The following AGAP1 variants were observed in gnomAD, a reference collection of about 807,000 sequenced individuals.
AGAP1 encodes arf-GAP with GTPase, ANK repeat and PH domain-containing protein 1.
AGAP1 carries 29 observed loss-of-function variants against 105.3 expected under a neutral mutation model. The observed-to-expected ratio is 0.28, with a 90% CI of 0.21 to 0.38. AGAP1 has a LOEUF of 0.38. AGAP1 is among the 10% of genes least tolerant of loss of function. The probability of loss-of-function intolerance (pLI) is 1.00; values close to 1 mark genes in which losing one functional copy is unlikely to be tolerated. For missense variants in AGAP1, 998 were observed against 1,165.1 expected (o/e 0.86, Z 2.09); for synonymous variants, 509 against 485.9 (o/e 1.05, Z -0.63).
At chr2:235,939,983 C>G (rs1485342297) in intron 12 of AGAP1, among the ~76,000 whole-genome samples, 1 of 152,090 alleles carries the variant, frequency 6.6e-6, no homozygotes, top group East Asian at 1.9e-4. Flanking sequence ...CGCAGGTAAG[C>G]AGCTACCTGC....
At chr2:235,909,242 C>T (rs935700710) in intron 11 of AGAP1, among the ~76,000 whole-genome samples, 5 of 152,186 alleles carry the variant, frequency 3.3e-5, no homozygotes, top group African/African-American at 7.2e-5. Flanking sequence ...CAAAGATTAA[C>T]TCATTTCTGA....
chr2:235,883,062 T>TC lies in AGAP1; in HGVS notation c.1051-281dup, dbSNP rs1265910849. Among the ~76,000 whole-genome samples, 4 of 151,702 alleles carry TC rather than the reference T, an allele frequency of 2.6e-5. No homozygotes were observed. Among genetic ancestry groups the TC allele is most frequent in the Non-Finnish European group, 4.4e-5 (3 of 67,932 alleles). Reference sequence around the variant, plus strand: ...GTCTCGAACTCTTGGGCTCAAACGATCCTTACACCGTGCCCAGCCTGGGGT... The same window carrying TC: ...GTCTCGAACTCTTGGGCTCAAACGATCCCTTACACCGTGCCCAGCCTGGGGT... On this transcript the variant is annotated intron_variant, in intron 9 of 17. Transcript: ENST00000304032. This position sits in a 1 kb window ranked among gnomAD's most constrained non-coding sequence, Gnocchi z 4.5.
At chr2:236,064,260 G>A (rs2058286067) in intron 16 of AGAP1, among the ~76,000 whole-genome samples, 1 of 152,152 alleles carries the variant, frequency 6.6e-6, no homozygotes, top group Non-Finnish European at 1.5e-5. Context: ...GCCTCTAGTA[G>A]CTTTCAGCCT....
intron 9 of AGAP1, among the ~76,000 whole-genome samples, chr2:235,863,966 G>T (rs55934557): frequency 2.1e-3 from 314 of 152,328 alleles, no homozygotes; most frequent in African/African-American, 7.3e-3. Context: ...GTGTGTGTTG[G>T]AGAGAAAGGA....
intron 16 of AGAP1, 174 bp downstream of exon 16, chr2:236,049,455 T>C: frequency 1.7e-6 from 1 of 582,190 alleles, no homozygotes; most frequent in Non-Finnish European, 3.0e-6. Flanking sequence ...TGAGCAGACG[T>C]GGATAATTCA....
intron 1 of AGAP1, among the ~76,000 whole-genome samples, chr2:235,567,343 A>G (rs1439806867): frequency 6.6e-6 from 1 of 152,220 alleles, no homozygotes; most frequent in Non-Finnish European, 1.5e-5. Context: ...CAGCTGGCCC[A>G]TGGCCTTCCC....
At position 235,744,583 on chromosome 2, in the gene AGAP1, G is replaced by T; in HGVS notation, c.397-115G>T. 2 of 1,296,956 alleles carry T rather than the reference G, an allele frequency of 1.5e-6. No homozygotes were observed. 80.3% of individuals were successfully genotyped at this position (1,296,956 alleles called of 1,614,324 possible). ...GACAGTCAAAAGTCAAGCACCCAGT[G>T]TGTGACCGAGGGGATTCCTGCAGCC... On this transcript the variant is annotated intron_variant, in intron 4 of 17. Coordinates refer to ENST00000304032, the MANE Select transcript of AGAP1 (RefSeq NM_001037131.3). The surrounding 1 kb of genome is among the most constrained non-coding windows in gnomAD (Gnocchi z 5.2).
chr2:235,717,619 A>C lies in AGAP1; in HGVS notation c.285A>C (p.Thr95=). Residue 95 remains threonine (T), a synonymous_variant, in exon 3 of 18, where the codon ACA becomes ACC. Coordinates refer to ENST00000304032, the MANE Select transcript of AGAP1 (RefSeq NM_001037131.3). ...SALVHRYLTG[T]YVQEESPEGG... is the part of the protein sequence containing the mutation. ...TGGTGCACCGGTACCTGACGGGCAC[A>C]TATGTCCAGGAGGAGTCTCCGGAAG... is the stretch of plus-strand genomic sequence containing the variant. The C allele has an allele frequency of 6.2e-7, 1 of 1,605,506 alleles. No homozygotes were observed. Among genetic ancestry groups the C allele is most frequent in the South Asian group, 1.1e-5 (1 of 88,704 alleles).
At chr2:235,815,242 G>C (rs1024735743) in intron 9 of AGAP1, among the ~76,000 whole-genome samples, 2 of 152,162 alleles carry the variant, frequency 1.3e-5, no homozygotes, top group African/African-American at 4.8e-5. Context: ...AGCACAAGTT[G>C]ATCTCTCGGT....
In AGAP1 at chr2:235,724,192, G is replaced by A. The variant is rs1476756417; in HGVS notation, c.310+6548G>A. ...ACTCAAAATTTTAGGCAGAAAGCTA[G>A]CTCCAAGGCTGAGGCAGCCCTGAAT... is the stretch of plus-strand genomic sequence containing the variant. On this transcript the variant is annotated intron_variant, in intron 3 of 17. Transcript: ENST00000304032. The surrounding 1 kb of genome is among the most constrained non-coding windows in gnomAD (Gnocchi z 4.9). Among the ~76,000 whole-genome samples, 1 of 152,246 alleles carries A rather than the reference G, an allele frequency of 6.6e-6. No homozygotes were observed. The highest frequency in any genetic ancestry group is 2.4e-5 in the African/African-American group (1 of 41,468).
At chr2:236,054,362 C>T (rs1338113538) in intron 16 of AGAP1, among the ~76,000 whole-genome samples, 1 of 151,944 alleles carries the variant, frequency 6.6e-6, no homozygotes, top group Non-Finnish European at 1.5e-5. Flanking sequence ...CGACTGCCCA[C>T]ACAGCCCCAG....
At position 235,642,123 on chromosome 2, in the gene AGAP1, C is replaced by T. The variant is rs576836947; in HGVS notation, c.164-67056C>T. Among the ~76,000 whole-genome samples, 1 of 152,232 alleles carries T rather than the reference C, an allele frequency of 6.6e-6. No homozygotes were observed. The highest frequency in any genetic ancestry group is 6.5e-5 in the Admixed American group (1 of 15,280). On this transcript the variant is annotated intron_variant, in intron 1 of 17. Transcript: ENST00000304032. This position sits in a 1 kb window ranked among gnomAD's most constrained non-coding sequence, Gnocchi z 4.1. ...GTTTTTACCTTACTTCCCCAGGGGC[C>T]CTCCAGAGGGTGCCCATCCACGGAG...
intron 1 of AGAP1, among the ~76,000 whole-genome samples, chr2:235,545,277 T>C (rs1943586703): frequency 6.6e-6 from 1 of 152,210 alleles, no homozygotes; most frequent in African/African-American, 2.4e-5. Flanking sequence ...AAGAGTGTGA[T>C]CGGTGAAACA....
At chr2:235,952,674 T>A (rs2053786693) in intron 12 of AGAP1, among the ~76,000 whole-genome samples, 1 of 152,182 alleles carries the variant, frequency 6.6e-6, no homozygotes, top group Non-Finnish European at 1.5e-5. Flanking sequence ...AAACAGTGCC[T>A]CCCCCTGAGT....
rs963120465 is a variant in AGAP1, at chr2:236,055,417, C to T, written c.2114+6136C>T. On this transcript the variant is annotated intron_variant, in intron 16 of 17. Coordinates refer to ENST00000304032, the MANE Select transcript of AGAP1 (RefSeq NM_001037131.3). The surrounding 1 kb of genome is among the most constrained non-coding windows in gnomAD (Gnocchi z 6.2). ...GGAAGCTGCTGTGCTCTGTGAGCCT[C>T]GTCTCTTCCAATATAAATTATCATG... is the stretch of plus-strand genomic sequence containing the variant. Among the ~76,000 whole-genome samples, 2 of 152,212 alleles carry T rather than the reference C, an allele frequency of 1.3e-5. No homozygotes were observed. Among genetic ancestry groups the T allele is most frequent in the Non-Finnish European group, 2.9e-5 (2 of 68,036 alleles).
intron 9 of AGAP1, among the ~76,000 whole-genome samples, chr2:235,878,054 C>A (rs2049833362): frequency 6.6e-6 from 1 of 152,194 alleles, no homozygotes; most frequent in African/African-American, 2.4e-5. Flanking sequence ...CCCACGGTGC[C>A]CGTGGAAACC....
chr2:235,995,463 G>A (rs962732581), intron 13 of AGAP1, among the ~76,000 whole-genome samples: 6 of 152,160 alleles, frequency 3.9e-5, no homozygotes, highest in Admixed American at 6.5e-5. Flanking sequence ...GCAGTGAGCC[G>A]AGATAGTGCC....
rs1299968860 is a variant in AGAP1 at position 235,793,601 on chromosome 2, G to GT, written c.674-4156dup. Among the ~76,000 whole-genome samples, 2 of 152,126 alleles carry GT rather than the reference G, an allele frequency of 1.3e-5. No homozygotes were observed. Among genetic ancestry groups the GT allele is most frequent in the Non-Finnish European group, 2.9e-5 (2 of 68,042 alleles). On this transcript the variant is annotated intron_variant, in intron 6 of 17. Transcript: ENST00000304032. This position sits in a 1 kb window ranked among gnomAD's most constrained non-coding sequence, Gnocchi z 5.3. ...TGAAAGAGCTGACAGGATGAAATGA[G>GT]TTAATAGATGGGAAGTGTGGGCCGC...
intron 1 of AGAP1, among the ~76,000 whole-genome samples, chr2:235,518,198 G>A (rs761045153): frequency 2.6e-5 from 4 of 152,164 alleles, no homozygotes; most frequent in Non-Finnish European, 5.9e-5. Context: ...TGTTGTTTCT[G>A]TAACTCTGGT....
Sources: gnomAD v4.1 joint callset for allele counts (sites outside exome capture counted in the v4.1 genomes callset) on GRCh38, gnomAD v4.1.1 for gene constraint, Gnocchi (gnomAD v3.1) non-coding constraint, MANE v1.5 for transcripts, NCBI Gene and HGNC (gene_info 2026-07-23, HGNC 2026-07-21) for gene names.